Variants in PCDH11X observed in about 807,000 individuals in gnomAD.
The protein encoded by PCDH11X is protocadherin 11 X-linked.
In PCDH11X, 18 loss-of-function variants were observed where a neutral mutation model predicts 53.3. The observed-to-expected ratio is 0.34, with a 90% CI of 0.23 to 0.50. The LOEUF is 0.50. Among genes scored for constraint, PCDH11X ranks in the 20% least tolerant of loss-of-function variants. The probability of loss-of-function intolerance (pLI) is 0.98; values close to 1 mark genes in which losing one functional copy is unlikely to be tolerated. For synonymous variants in PCDH11X, 279 were observed against 393.3 expected (o/e 0.71, Z 3.44); for missense variants, 570 against 1,032.4 (o/e 0.55, Z 6.14).
At chrX:92,236,054 A>G (rs1219962790) in intron 7 of PCDH11X, among the ~76,000 whole-genome samples, 3 of 111,856 alleles carry the variant, frequency 2.7e-5, no homozygotes, top group East Asian at 2.8e-4. Flanking sequence ...CAAAATGCTA[A>G]CAGTCTGTAT....
At chrX:92,553,219 A>AT (rs59294247) in intron 10 of PCDH11X, among the ~76,000 whole-genome samples, 40 of 97,732 alleles carry the variant, frequency 4.1e-4, no homozygotes, top group South Asian at 1.5e-3. Flanking sequence ...TTTAACTGGG[A>AT]TTTTTTTTTT....
intron 1 of PCDH11X, among the ~76,000 whole-genome samples, chrX:91,788,783 A>C (rs1205637169): frequency 1.8e-5 from 2 of 111,912 alleles, no homozygotes; most frequent in African/African-American, 6.5e-5. Context: ...ATAGAGAAGA[A>C]AGAGAACTAC....
chrX:92,161,201 T>C (rs1158906840), intron 6 of PCDH11X, among the ~76,000 whole-genome samples: 7 of 111,822 alleles, frequency 6.3e-5, no homozygotes, highest in Admixed American at 9.6e-5. Context: ...GTTCTTGTAG[T>C]GCTGGCTTGG....
intron 7 of PCDH11X, among the ~76,000 whole-genome samples, chrX:92,242,021 C>T (rs748914510): frequency 3.7e-5 from 4 of 108,989 alleles, no homozygotes; most frequent in South Asian, 8.1e-4. Context: ...CGTTTGAACC[C>T]GGGAGGCAGA....
intron 6 of PCDH11X, among the ~76,000 whole-genome samples, chrX:92,156,684 C>T (rs766708853): frequency 5.4e-5 from 6 of 112,039 alleles, no homozygotes; most frequent in African/African-American, 1.6e-4. Flanking sequence ...ACTTATACCC[C>T]GTTCTTACAA....
chrX:91,844,302 TTTTTG>T (rs762107026), intron 5 of PCDH11X, among the ~76,000 whole-genome samples: 12 of 110,627 alleles, frequency 1.1e-4, no homozygotes, highest in African/African-American at 3.9e-4. Context: ...CCTAGTTCAG[TTTTTG>T]TTTTGTTTTG....
At chrX:92,593,223 T>C (rs1925217340) in intron 10 of PCDH11X, among the ~76,000 whole-genome samples, 1 of 111,312 alleles carries the variant, frequency 9.0e-6, no homozygotes, top group Non-Finnish European at 1.9e-5. Flanking sequence ...TAATTGTTGA[T>C]TTGTCTGTTT....
At chrX:92,212,620 G>A (rs544586438) in intron 7 of PCDH11X, among the ~76,000 whole-genome samples, 2 of 112,119 alleles carry the variant, frequency 1.8e-5, no homozygotes, top group African/African-American at 3.2e-5. Flanking sequence ...AAAGTGCTTG[G>A]ATTACAGGCG....
At chrX:92,177,281 A>G (rs1350531118) in intron 6 of PCDH11X, among the ~76,000 whole-genome samples, 2 of 111,332 alleles carry the variant, frequency 1.8e-5, no homozygotes, top group Admixed American at 9.6e-5. Flanking sequence ...CCCGGCCACA[A>G]GGTAGTTATT....
intron 6 of PCDH11X, among the ~76,000 whole-genome samples, chrX:92,145,278 G>A (rs2759746): frequency 0.074 from 8,204 of 111,192 alleles, 751 homozygotes; most frequent in African/African-American, 0.25. Flanking sequence ...GTATTGCTGT[G>A]GTCATTTGGT....
At position 91,972,734 on chromosome X, in the gene PCDH11X, G is replaced by T. The variant is rs1270688974; in HGVS notation, c.3033+93461G>T. ...CTTTCCCCATTGCTTGTTTTTCTCA[G>T]GTTTGTCAAAGATCAGATGGTTGTA... On this transcript the variant is annotated intron_variant, in intron 6 of 10. Transcript: ENST00000682573. 2.8e-5 allele frequency among the ~76,000 whole-genome samples: 3 copies of T among 108,668 alleles called. No individual in the cohort carries two copies. The East Asian group carries it at 8.8e-4, about 32-fold the overall frequency. 94.4% of individuals were successfully genotyped at this position (108,668 alleles called of 115,157 possible). A position where few individuals can be genotyped will look rare whatever the true frequency, so the allele number is the denominator to read the frequency against.
At chrX:92,363,003 T>C (rs906816419) in intron 8 of PCDH11X, among the ~76,000 whole-genome samples, 3 of 110,636 alleles carry the variant, frequency 2.7e-5, no homozygotes, top group Non-Finnish European at 5.7e-5. Flanking sequence ...CTATTTTTTT[T>C]GGTCTATTTA....
chrX:92,504,844 T>A (rs1026761312), intron 10 of PCDH11X, among the ~76,000 whole-genome samples: 19 of 110,981 alleles, frequency 1.7e-4, no homozygotes, highest in Admixed American at 1.1e-3. Context: ...CCTTTTTCAC[T>A]AATTGTGGTT....
intron 6 of PCDH11X, among the ~76,000 whole-genome samples, chrX:92,128,644 C>T (rs1252361763): frequency 9.1e-6 from 1 of 110,178 alleles, no homozygotes; most frequent in Non-Finnish European, 1.9e-5. Context: ...GGTGATCTGT[C>T]TGCCTCGGCC....
intron 10 of PCDH11X, among the ~76,000 whole-genome samples, chrX:92,600,272 C>T (rs1926084347): frequency 9.1e-6 from 1 of 109,938 alleles, no homozygotes; most frequent in South Asian, 3.8e-4. Flanking sequence ...TTCTCCAGGA[C>T]ATGTCAGAGG....
chrX:92,270,930 G>A (rs750924604), intron 8 of PCDH11X, among the ~76,000 whole-genome samples: 100 of 111,812 alleles, frequency 8.9e-4, no homozygotes, highest in Non-Finnish European at 1.7e-3. Flanking sequence ...ATTCCCAGAA[G>A]ATAATCCAGA....
At chrX:92,226,798 C>T (rs2066979837) in intron 7 of PCDH11X, among the ~76,000 whole-genome samples, 1 of 110,406 alleles carries the variant, frequency 9.1e-6, no homozygotes, top group South Asian at 3.9e-4. Flanking sequence ...GGAGGCTTTC[C>T]GTGTATGCTA....
At chrX:92,014,030 T>A (rs1189629646) in intron 6 of PCDH11X, among the ~76,000 whole-genome samples, 4 of 111,462 alleles carry the variant, frequency 3.6e-5, no homozygotes, top group Admixed American at 1.9e-4. Flanking sequence ...AAAATTGACA[T>A]ATGGGATCTA....
At chrX:92,306,810 C>T (rs1421502172) in intron 8 of PCDH11X, among the ~76,000 whole-genome samples, 1 of 110,242 alleles carries the variant, frequency 9.1e-6, no homozygotes, top group Non-Finnish European at 1.9e-5. Context: ...ATTAGCCGAG[C>T]GTGGTCGTGC....
Sources: allele counts gnomAD v4.1 joint callset (sites outside exome capture counted in the v4.1 genomes callset), GRCh38; gene constraint gnomAD v4.1.1; transcripts MANE v1.5; gene names NCBI Gene and HGNC (gene_info 2026-07-23, HGNC 2026-07-21).